The following MCTP2 variants were observed in gnomAD, a reference collection of about 807,000 sequenced individuals.
MCTP2 encodes the protein multiple C2 and transmembrane domain-containing protein 2.
A neutral mutation model predicts 111.6 loss-of-function variants in MCTP2; 132 were observed. The ratio of observed to expected loss-of-function variants is 1.18; its 90% confidence interval spans 1.03 to 1.37. The LOEUF is 1.37. Among genes scored for constraint, MCTP2 ranks in the 40% most tolerant of loss-of-function variants. MCTP2 has a pLI of 0.00. For synonymous variants in MCTP2, 395 were observed against 387.7 expected (o/e 1.02, Z -0.22); for missense variants, 1,183 against 1,067.9 (o/e 1.11, Z -1.50).
chr15:94,441,796 T>C (rs1025314698), intron 18 of MCTP2, among the ~76,000 whole-genome samples: 1 of 151,928 alleles, frequency 6.6e-6, no homozygotes, highest in Non-Finnish European at 1.5e-5. Flanking sequence ...AATTATAGCG[T>C]TTTTTCCTCC....
rs531768882 is a variant in MCTP2, at chr15:94,378,733, C to G, written c.1583-5289C>G. 2.0e-5 allele frequency among the ~76,000 whole-genome samples: 3 copies of G among 152,170 alleles called. No homozygotes were observed. The South Asian group carries it at 6.2e-4, about 32-fold the overall frequency. ...ATCTGTCACAGCAAGGTGAGCAGGT[C>G]TTTGCCTGTGTGATGCTGAGGAAGT... On this transcript the variant is annotated intron_variant, in intron 12 of 22. Transcript: ENST00000357742.
At chr15:94,455,817 G>A (rs967504554) in intron 19 of MCTP2, among the ~76,000 whole-genome samples, 6 of 152,122 alleles carry the variant, frequency 3.9e-5, no homozygotes, top group East Asian at 1.9e-4. Context: ...ACAATTTCGT[G>A]CAATATTAGA....
chr15:94,284,641 G>A (rs1001908855), intron 1 of MCTP2, among the ~76,000 whole-genome samples: 2 of 152,202 alleles, frequency 1.3e-5, no homozygotes, highest in African/African-American at 4.8e-5. Flanking sequence ...AGAATATGTG[G>A]ATGAAATAAA....
intron 20 of MCTP2, among the ~76,000 whole-genome samples, chr15:94,469,606 A>G (rs2073735536): frequency 6.6e-6 from 1 of 152,148 alleles, no homozygotes; most frequent in Non-Finnish European, 1.5e-5. Flanking sequence ...AGTGGCTCAC[A>G]CCTATAATCC....
chr15:94,360,662 T>A (rs1053969574), intron 10 of MCTP2, among the ~76,000 whole-genome samples: 1 of 152,182 alleles, frequency 6.6e-6, no homozygotes, highest in East Asian at 1.9e-4. Context: ...CTTCACATAA[T>A]AGGAAACGCT....
chr15:94,432,701 ACTTTG>A (rs1364786890), intron 17 of MCTP2, among the ~76,000 whole-genome samples: 1 of 152,184 alleles, frequency 6.6e-6, no homozygotes, highest in Admixed American at 6.5e-5. Flanking sequence ...CTATAATCAT[ACTTTG>A]CTTTGTTTCA....
At chr15:94,408,918 G>A (rs562632619) in intron 17 of MCTP2, among the ~76,000 whole-genome samples, 1 of 152,154 alleles carries the variant, frequency 6.6e-6, no homozygotes, top group African/African-American at 2.4e-5. Flanking sequence ...GTGGGACCCT[G>A]TGTCACTACC....
At chr15:94,423,249 G>A (rs1443590451) in intron 17 of MCTP2, among the ~76,000 whole-genome samples, 5 of 152,004 alleles carry the variant, frequency 3.3e-5, no homozygotes, top group East Asian at 3.9e-4. Context: ...CAAGTTCATC[G>A]TTGCATTTAA....
chr15:94,361,097 T>TTG (rs2078916014), intron 10 of MCTP2, among the ~76,000 whole-genome samples: 1 of 138,718 alleles, frequency 7.2e-6, no homozygotes, highest in Non-Finnish European at 1.6e-5. Context: ...TTTTTTTTTT[T>TTG]TTTTTTTTTT....
Position 94,309,855 on chromosome 15 carries a change from A to G in MCTP2, c.466-4427A>G, listed in dbSNP as rs144792781. ...CAAAGTTGCTTTTATTTAAAAAAAC[A>G]CAAATGAAAAACACTTACCTGAAAG... On this transcript the variant is annotated intron_variant, in intron 2 of 22. Coordinates refer to ENST00000357742, the MANE Select transcript of MCTP2 (RefSeq NM_001385001.1). Among the ~76,000 whole-genome samples the G allele has an allele frequency of 1.5e-4, 23 of 152,356 alleles. No individual in the cohort carries two copies. In the East Asian group the frequency reaches 1.7e-3, roughly 12 times the overall value.
At chr15:94,475,033 G>A (rs1023133938) in intron 21 of MCTP2, among the ~76,000 whole-genome samples, 3 of 151,988 alleles carry the variant, frequency 2.0e-5, no homozygotes, top group African/African-American at 2.4e-5. Context: ...CTCCAGATGC[G>A]CACACCATAT....
chr15:94,470,886 C>A (rs1212571581), intron 21 of MCTP2, among the ~76,000 whole-genome samples: 6 of 152,166 alleles, frequency 3.9e-5, no homozygotes, highest in Non-Finnish European at 5.9e-5. Flanking sequence ...ATTCACCTAA[C>A]CCCATTCTTA....
chr15:94,477,187 C>T (rs1197692514), intron 22 of MCTP2, among the ~76,000 whole-genome samples: 1 of 152,072 alleles, frequency 6.6e-6, no homozygotes. Context: ...AAGTAGGGGA[C>T]AAAAGGATTA....
chr15:94,250,978 T>A (rs1382786268), intron 1 of MCTP2, among the ~76,000 whole-genome samples: 1 of 152,222 alleles, frequency 6.6e-6, no homozygotes, highest in Non-Finnish European at 1.5e-5. Flanking sequence ...TATACTGACA[T>A]AAGTAGCATG....
At chr15:94,252,012 C>T (rs531326568) in intron 1 of MCTP2, among the ~76,000 whole-genome samples, 49 of 152,260 alleles carry the variant, frequency 3.2e-4, no homozygotes, top group African/African-American at 6.3e-4. Flanking sequence ...ATGTATTTAT[C>T]GCATTTTGTT....
chr15:94,257,566 GTT>G (rs1491316225), intron 1 of MCTP2, among the ~76,000 whole-genome samples: 3 of 73,006 alleles, frequency 4.1e-5, no homozygotes, highest in African/African-American at 1.0e-4. Context: ...CATTTTCTTT[GTT>G]GTTTTTTTTT....
chr15:94,367,811 G>A lies in MCTP2; in HGVS notation c.1488+20G>A, dbSNP rs1219913498. On this transcript the variant is annotated intron_variant, in intron 11 of 22. Transcript: ENST00000357742. ...CGATATGTGAGTGTTTTTCCTTATT[G>A]TACACTCCCCCTCCTCCCACCTTCT... 4.4e-6 allele frequency: 7 copies of A among 1,579,690 alleles called. No individual in the cohort carries two copies. Among genetic ancestry groups the A allele is most frequent in the Non-Finnish European group, 6.0e-6 (7 of 1,165,390 alleles).
intron 1 of MCTP2, among the ~76,000 whole-genome samples, chr15:94,262,857 G>C (rs920122395): frequency 6.6e-6 from 1 of 152,126 alleles, no homozygotes; most frequent in African/African-American, 2.4e-5. Flanking sequence ...TTTTAGTAGA[G>C]GCAGGGTTTT....
chr15:94,284,510 C>G (rs753598803), intron 1 of MCTP2, among the ~76,000 whole-genome samples: 1 of 152,110 alleles, frequency 6.6e-6, no homozygotes, highest in Non-Finnish European at 1.5e-5. Flanking sequence ...TTTAATGAAG[C>G]TACATTTATC....
Sources: allele counts gnomAD v4.1 joint callset (sites outside exome capture counted in the v4.1 genomes callset), GRCh38; gene constraint gnomAD v4.1.1; transcripts MANE v1.5; gene names NCBI Gene and HGNC (gene_info 2026-07-23, HGNC 2026-07-21).